UBE2K: variants seen among roughly 807,000 people sequenced by gnomAD.
UBE2K encodes ubiquitin conjugating enzyme E2 K.
Under a neutral mutation model 30.0 loss-of-function variants are expected in UBE2K, and 6 were observed. That is an observed-to-expected ratio of 0.20 (90% CI 0.11 to 0.39). The LOEUF (loss-of-function observed/expected upper bound fraction) is 0.39, where lower values mean the gene tolerates loss of function less well. Among genes scored for constraint, UBE2K ranks in the 10% least tolerant of loss-of-function variants. UBE2K has a pLI of 1.00. For missense variants in UBE2K, 61 were observed against 241.6 expected, an observed-to-expected ratio of 0.25 and a Z score of 4.96; for synonymous variants, 86 against 83.7, an observed-to-expected ratio of 1.03 and a Z score of -0.15.
intron 3 of UBE2K, among the ~76,000 whole-genome samples, chr4:39,753,809 G>A (rs566418854): frequency 2.0e-5 from 3 of 152,288 alleles, no homozygotes; most frequent in South Asian, 2.1e-4. Context: ...TTCAGGAGTA[G>A]TCTAAGGCCA....
At chr4:39,728,430 G>C (rs910757161) in intron 1 of UBE2K, among the ~76,000 whole-genome samples, 1 of 152,088 alleles carries the variant, frequency 6.6e-6, no homozygotes, top group East Asian at 1.9e-4. Flanking sequence ...AGCTATGATT[G>C]TACCACTGTA....
At chr4:39,739,581 G>A (rs934724816) in intron 2 of UBE2K, among the ~76,000 whole-genome samples, 1 of 151,278 alleles carries the variant, frequency 6.6e-6, no homozygotes, top group Non-Finnish European at 1.5e-5. Context: ...CGAGTAGCTG[G>A]TACTACAGGC....
chr4:39,745,944 C>A, intron 3 of UBE2K, 134 bp downstream of exon 3: 2 of 638,476 alleles, frequency 3.1e-6, no homozygotes, highest in Non-Finnish European at 4.9e-6. Flanking sequence ...TTGATGTGGA[C>A]AGGATTTTAG....
chr4:39,755,127 C>T (rs956593377), intron 3 of UBE2K, among the ~76,000 whole-genome samples: 1 of 152,100 alleles, frequency 6.6e-6, no homozygotes, highest in Admixed American at 6.6e-5. Context: ...CTTAGTATCT[C>T]CTCAGTGTTT....
chr4:39,756,932 C>T (rs1206139715), intron 4 of UBE2K, among the ~76,000 whole-genome samples: 3 of 151,232 alleles, frequency 2.0e-5, no homozygotes, highest in Non-Finnish European at 2.9e-5. Context: ...CCCAGCCTGG[C>T]TGCCTAATCT....
chr4:39,712,287 C>T (rs574327237), intron 1 of UBE2K, among the ~76,000 whole-genome samples: 161 of 146,212 alleles, frequency 1.1e-3, no homozygotes, highest in Non-Finnish European at 1.9e-3. Flanking sequence ...CTGCAAGCTC[C>T]GCCTCCTGGG....
intron 1 of UBE2K, among the ~76,000 whole-genome samples, chr4:39,717,860 G>C (rs980455842): frequency 1.4e-5 from 2 of 147,308 alleles, no homozygotes; most frequent in Admixed American, 6.6e-5. Flanking sequence ...AGACCTTCGC[G>C]GTGAGTGTTA....
rs1313105369 is a variant in UBE2K, at chr4:39,779,869, GTTAT to G, written c.*1440_*1443del. The G allele has an allele frequency of 6.6e-6, 1 of 152,060 alleles. No individual in the cohort carries two copies. The highest frequency in any genetic ancestry group is 6.6e-5 in the Admixed American group (1 of 15,252). 9.4% of individuals were successfully genotyped at this position (152,060 alleles called of 1,614,324 possible). A position where few individuals can be genotyped will look rare whatever the true frequency, so the allele number is the denominator to read the frequency against. ...TATAAAAGGTTTGCTTTCTTTAAGT[GTTAT>G]TTATCTTAAATTATAATCGTTAAAT... On this transcript the variant is annotated 3_prime_UTR_variant, in exon 7 of 7. Transcript: ENST00000261427.
At chr4:39,718,518 C>T (rs1170514563) in intron 1 of UBE2K, among the ~76,000 whole-genome samples, 1 of 152,262 alleles carries the variant, frequency 6.6e-6, no homozygotes, top group Admixed American at 6.5e-5. Context: ...CGCCTGCACT[C>T]CTCAGCCCTT....
intron 4 of UBE2K, among the ~76,000 whole-genome samples, chr4:39,763,044 C>T (rs983462844): frequency 6.2e-4 from 88 of 141,482 alleles, no homozygotes; most frequent in African/African-American, 2.0e-3. Context: ...AAGCACTTCT[C>T]GTGCCCTCAT....
At chr4:39,728,701 C>T (rs766076862) in intron 1 of UBE2K, among the ~76,000 whole-genome samples, 1 of 151,532 alleles carries the variant, frequency 6.6e-6, no homozygotes, top group Non-Finnish European at 1.5e-5. Context: ...TGCAGTTGTG[C>T]GATCTCGGCT....
intron 2 of UBE2K, 83 bp from the exon 3 acceptor site, chr4:39,745,669 T>C (rs758467736): frequency 5.7e-6 from 5 of 870,384 alleles, no homozygotes; most frequent in Non-Finnish European, 9.1e-6. Context: ...ATAAAATAGC[T>C]GCTCTGAAAA....
rs569211313 is a variant in UBE2K at position 39,703,258 on chromosome 4, G to A, written c.63+4868G>A. ...TTTATGGCCAGGTGGGGTGGCTTAT[G>A]CCTGTAATCTAGCATTTTAGGAGGC... is the stretch of plus-strand genomic sequence containing the variant. On this transcript the variant is annotated intron_variant, in intron 1 of 6. Transcript: ENST00000261427. 5.3e-4 allele frequency among the ~76,000 whole-genome samples: 80 copies of A among 152,172 alleles called. No homozygotes were observed. In the South Asian group the frequency reaches 0.016, roughly 30 times the overall value.
chr4:39,745,724 CTTAACT>C, intron 2 of UBE2K, 22 bp from the exon 3 acceptor site: 1 of 1,512,392 alleles, frequency 6.6e-7, no homozygotes, highest in Non-Finnish European at 9.1e-7. Context: ...GAGCAGCATT[CTTAACT>C]TTGTTTTCCC....
intron 1 of UBE2K, among the ~76,000 whole-genome samples, chr4:39,724,352 G>A (rs62310119): frequency 0.04 from 6,074 of 151,796 alleles, 155 homozygotes; most frequent in Non-Finnish European, 0.063. Context: ...GAATCCTCCT[G>A]CCTTGGCTTC....
intron 1 of UBE2K, among the ~76,000 whole-genome samples, chr4:39,717,300 C>G (rs1300775965): frequency 1.3e-5 from 2 of 150,440 alleles, no homozygotes; most frequent in Non-Finnish European, 2.9e-5. Context: ...GTGGCACAAT[C>G]TTGGCTCATT....
At chr4:39,745,858 T>A in intron 3 of UBE2K, 48 bp downstream of exon 3, 1 of 1,361,598 alleles carries the variant, frequency 7.3e-7, no homozygotes, top group Non-Finnish European at 1.0e-6. Flanking sequence ...TATTTTATAT[T>A]TCTGACCTCA....
At chr4:39,740,246 A>G (rs1334443680) in intron 2 of UBE2K, among the ~76,000 whole-genome samples, 1 of 152,144 alleles carries the variant, frequency 6.6e-6, no homozygotes, top group Admixed American at 6.5e-5. Context: ...GAGGTCTGTC[A>G]GCAAAGTTTT....
chr4:39,755,028 G>C (rs2109374282), intron 3 of UBE2K, among the ~76,000 whole-genome samples: 1 of 152,324 alleles, frequency 6.6e-6, no homozygotes, highest in East Asian at 1.9e-4. Context: ...CAAATAATGA[G>C]ATGATTGGAC....
Sources: gnomAD v4.1 joint callset for allele counts (sites outside exome capture counted in the v4.1 genomes callset) on GRCh38, gnomAD v4.1.1 for gene constraint, MANE v1.5 for transcripts, NCBI Gene and HGNC (gene_info 2026-07-23, HGNC 2026-07-21) for gene names.